The following SGCG variants were observed in gnomAD, a reference collection of about 807,000 sequenced individuals.
SGCG encodes the protein sarcoglycan gamma.
SGCG carries 26 observed loss-of-function variants against 29.3 expected under a neutral mutation model. That is an observed-to-expected ratio of 0.89 (90% CI 0.65 to 1.23). SGCG has a LOEUF of 1.23. Among genes scored for constraint, SGCG ranks in the 50% most tolerant of loss-of-function variants. SGCG has a pLI of 0.00. For synonymous variants in SGCG, 145 were observed against 129.7 expected, an observed-to-expected ratio of 1.12 and a Z score of -0.80; for missense variants, 353 against 356.0, an observed-to-expected ratio of 0.99 and a Z score of 0.07.
chr13:23,304,132 A>C (rs1882276951), intron 6 of SGCG, among the ~76,000 whole-genome samples: 1 of 152,134 alleles, frequency 6.6e-6, no homozygotes, highest in Non-Finnish European at 1.5e-5. Flanking sequence ...AATATTGGGA[A>C]TATTAGCCCT....
rs182098510 is a variant in SGCG, at chr13:23,237,931, T to C, written c.297+3219T>C. On this transcript the variant is annotated intron_variant, in intron 3 of 7. Transcript: ENST00000218867. The stretch of plus-strand genomic sequence containing the variant: ...AGAGATAAAGCTATTTTTAAAGGAG[T>C]TTTCCTTAAAATAACATGAAATTAT... Among the ~76,000 whole-genome samples, 11 of 150,666 alleles carry C rather than the reference T, an allele frequency of 7.3e-5. 1 individual carries two copies. In the South Asian group the frequency reaches 1.5e-3, roughly 20 times the overall value.
intron 6 of SGCG, among the ~76,000 whole-genome samples, chr13:23,314,382 T>TTATATATATA (rs201480793): frequency 0.01 from 817 of 78,524 alleles, 17 homozygotes; most frequent in South Asian, 0.022. Context: ...CTGCTATAGG[T>TTATATATATA]TATATATATA....
At chr13:23,265,385 T>G (rs544113769) in intron 4 of SGCG, among the ~76,000 whole-genome samples, 1 of 152,198 alleles carries the variant, frequency 6.6e-6, no homozygotes, top group South Asian at 2.1e-4. Context: ...AAGACCATCC[T>G]GGCCAACATG....
chr13:23,307,236 G>T (rs1486972190), intron 6 of SGCG, among the ~76,000 whole-genome samples: 2 of 152,100 alleles, frequency 1.3e-5, no homozygotes, highest in Non-Finnish European at 2.9e-5. Context: ...ACTGAATTGG[G>T]TATGTCATAG....
At chr13:23,190,265 C>T (rs968880938) in intron 1 of SGCG, among the ~76,000 whole-genome samples, 1 of 151,974 alleles carries the variant, frequency 6.6e-6, no homozygotes, top group African/African-American at 2.4e-5. Context: ...TTATAGAGTT[C>T]TTCTGACTTG....
chr13:23,279,598 G>T, intron 5 of SGCG, 120 bp downstream of exon 5: 1 of 827,920 alleles, frequency 1.2e-6, no homozygotes, highest in Non-Finnish European at 1.8e-6. Context: ...TGAATGTGTT[G>T]CATTTTCTCC....
the SGCG span, among the ~76,000 whole-genome samples, chr13:23,165,958 T>C: frequency 1.8e-3 from 267 of 152,350 alleles, no homozygotes; most frequent in Non-Finnish European, 1.7e-3. Flanking sequence ...TGTTTCTGAT[T>C]TTCCAAATAG....
chr13:23,297,567 G>T (rs1881955092), intron 6 of SGCG, among the ~76,000 whole-genome samples: 1 of 152,214 alleles, frequency 6.6e-6, no homozygotes, highest in East Asian at 1.9e-4. Context: ...GGCACAGATT[G>T]CTCATGCTAT....
chr13:23,203,681 A>G lies in SGCG; in HGVS notation c.1-14A>G. 9.4e-6 allele frequency: 15 copies of G among 1,604,138 alleles called. No individual in the cohort carries two copies. The highest frequency in any genetic ancestry group is 1.3e-5 in the Non-Finnish European group (15 of 1,173,468). ...TCTCTTTCTCTCTCCTCTCGTGAAC[A>G]CACTCCGTGGCAGATGGTGCGTGAG... On this transcript the variant is annotated splice_polypyrimidine_tract_variant and intron_variant, in intron 1 of 7. Transcript: ENST00000218867.
intron 6 of SGCG, among the ~76,000 whole-genome samples, chr13:23,298,518 T>C (rs961158840): frequency 6.6e-6 from 1 of 152,200 alleles, no homozygotes; most frequent in Non-Finnish European, 1.5e-5. Flanking sequence ...TGAACATTTG[T>C]AACATAAAAA....
chr13:23,299,456 A>ATATATATTTTT (rs1882059808), intron 6 of SGCG, among the ~76,000 whole-genome samples: 1 of 41,542 alleles, frequency 2.4e-5, no homozygotes, highest in African/African-American at 7.7e-5. Context: ...ATATATATAT[A>ATATATATTTTT]TTTTTTTTTT....
chr13:23,288,875 G>C (rs964203796), intron 5 of SGCG, among the ~76,000 whole-genome samples: 1 of 152,102 alleles, frequency 6.6e-6, no homozygotes, highest in Admixed American at 6.5e-5. Context: ...TAAAAACAGA[G>C]TTCTATAATA....
At chr13:23,178,148 C>T (rs149864775), upstream of SGCG, among the ~76,000 whole-genome samples, 1 of 152,284 alleles carries the variant, frequency 6.6e-6, no homozygotes, top group East Asian at 1.9e-4. Flanking sequence ...ATTCCTCTGG[C>T]AGTCCCTAGG....
chr13:23,241,266 A>G (rs1023394827), intron 3 of SGCG, among the ~76,000 whole-genome samples: 1 of 152,158 alleles, frequency 6.6e-6, no homozygotes, highest in African/African-American at 2.4e-5. Context: ...AAATAAAATC[A>G]TAAATGAAAA....
At chr13:23,218,718 C>T (rs997272973) in intron 2 of SGCG, among the ~76,000 whole-genome samples, 15 of 151,878 alleles carry the variant, frequency 9.9e-5, no homozygotes, top group Non-Finnish European at 1.5e-4. Context: ...CATTTCCTTC[C>T]ATGACAGGTA....
At chr13:23,178,979 G>C (rs1210451246), upstream of SGCG, among the ~76,000 whole-genome samples, 4 of 152,148 alleles carry the variant, frequency 2.6e-5, no homozygotes, top group Admixed American at 1.3e-4. Context: ...GGTCCCCATA[G>C]GTTCGTAGGA....
the SGCG span, among the ~76,000 whole-genome samples, chr13:23,166,289 G>A: frequency 2.6e-5 from 4 of 152,000 alleles, no homozygotes; most frequent in Non-Finnish European, 2.9e-5. Flanking sequence ...TCCGCCTCCC[G>A]AGTTCAAGTG....
chr13:23,188,647 T>C (rs1877105829), intron 1 of SGCG, among the ~76,000 whole-genome samples: 1 of 152,076 alleles, frequency 6.6e-6, no homozygotes. Flanking sequence ...ATTTGTCGCA[T>C]TCACTCATCT....
At chr13:23,238,724 T>C (rs1360784799) in intron 3 of SGCG, among the ~76,000 whole-genome samples, 1 of 152,156 alleles carries the variant, frequency 6.6e-6, no homozygotes, top group Non-Finnish European at 1.5e-5. Flanking sequence ...AGCATAATCA[T>C]GTTAAGGAGA....
Sources: gnomAD v4.1 joint callset for allele counts (sites outside exome capture counted in the v4.1 genomes callset) on GRCh38, gnomAD v4.1.1 for gene constraint, MANE v1.5 for transcripts, NCBI Gene and HGNC (gene_info 2026-07-23, HGNC 2026-07-21) for gene names.